Variants in SHANK2 observed in about 807,000 individuals in gnomAD.
SHANK2 encodes SH3 and multiple ankyrin repeat domains protein 2.
Under a neutral mutation model 133.7 loss-of-function variants are expected in SHANK2, and 43 were observed. That is an observed-to-expected ratio of 0.32 (90% CI 0.25 to 0.41). The LOEUF is 0.41. Ranked by LOEUF, SHANK2 falls within the 10% of genes least tolerant of loss-of-function variation. SHANK2 has a pLI of 1.00. For synonymous variants in SHANK2, 1,017 were observed against 952.8 expected, an observed-to-expected ratio of 1.07 and a Z score of -1.24; for missense variants, 1,994 against 2,235.8, an observed-to-expected ratio of 0.89 and a Z score of 2.18.
intron 13 of SHANK2, among the ~76,000 whole-genome samples, chr11:70,805,065 T>C (rs1443116850): frequency 6.6e-6 from 1 of 152,058 alleles, no homozygotes; most frequent in African/African-American, 2.4e-5. Flanking sequence ...CCTGAGTGAG[T>C]CCACAGATGC....
Position 70,473,018 on chromosome 11 carries a change from C to T in SHANK2, c.5401G>A (p.Gly1801Ser). The change falls in exon 26 of 26, where the codon GGT (glycine) becomes AGT (serine). Residue 1801 changes from glycine to serine, a missense_variant. By Grantham distance (56) the Gly-to-Ser change is moderately conservative. Coordinates refer to ENST00000601538, the MANE Select transcript of SHANK2 (RefSeq NM_012309.5). This position sits in a 1 kb window ranked among gnomAD's most constrained non-coding sequence, Gnocchi z 5.9. The stretch of plus-strand genomic sequence containing the variant: ...TCCATGAAGGCCTCTTTATGTTCAC[C>T]CAAGTTTAGACTTTCCAGCCAATCG... ...VADWLESLNL[G>S]EHKEAFMDNE... 5 of 1,614,186 alleles carry T rather than the reference C, an allele frequency of 3.1e-6. No homozygotes were observed. The highest frequency in any genetic ancestry group is 1.1e-5 in the South Asian group (1 of 91,084).
intron 3 of SHANK2, among the ~76,000 whole-genome samples, chr11:71,127,445 C>T (rs1173765731): frequency 2.6e-5 from 4 of 152,154 alleles, no homozygotes; most frequent in African/African-American, 7.2e-5. Context: ...AGAAATCGTT[C>T]GTGAGTCAAT....
intron 8 of SHANK2, among the ~76,000 whole-genome samples, chr11:71,085,805 ATATAT>A (rs1951390252): frequency 8.2e-5 from 5 of 61,132 alleles, no homozygotes; most frequent in Admixed American, 3.2e-4. Context: ...ATACAACATA[ATATAT>A]TATGTTATAT....
Position 71,175,143 on chromosome 11 carries a change from T to C in SHANK2, c.-12-27805A>G, listed in dbSNP as rs1294862741. Among the ~76,000 whole-genome samples the C allele has an allele frequency of 6.6e-6, 1 of 152,238 alleles. No homozygotes were observed. Among genetic ancestry groups the C allele is most frequent in the Non-Finnish European group, 1.5e-5 (1 of 68,038 alleles). On this transcript the variant is annotated intron_variant, in intron 2 of 25. Transcript: ENST00000601538. This position sits in a 1 kb window ranked among gnomAD's most constrained non-coding sequence, Gnocchi z 4.2. ...TTGTTAAATCTGTGCCTTATCTATT[T>C]TGTGTGTCGCTCCCAGGAGGGCAAG...
intron 2 of SHANK2, among the ~76,000 whole-genome samples, chr11:71,197,562 C>T (rs1022041589): frequency 3.9e-5 from 6 of 152,234 alleles, no homozygotes; most frequent in Non-Finnish European, 5.9e-5. Context: ...TCTGCTCTAT[C>T]AGATGGTGAA....
At chr11:71,207,856 G>A (rs1342115165) in intron 2 of SHANK2, among the ~76,000 whole-genome samples, 2 of 152,044 alleles carry the variant, frequency 1.3e-5, no homozygotes, top group East Asian at 1.9e-4. Flanking sequence ...CACACTCAGG[G>A]TCACTCTTGC....
At chr11:70,649,811 G>A (rs1272941484) in intron 17 of SHANK2, among the ~76,000 whole-genome samples, 18 of 152,230 alleles carry the variant, frequency 1.2e-4, no homozygotes, top group African/African-American at 4.3e-4. Flanking sequence ...AAAGATGGCT[G>A]TTAAGATTAC....
chr11:70,497,688 TA>T (rs782057244), intron 21 of SHANK2, among the ~76,000 whole-genome samples: 7 of 152,218 alleles, frequency 4.6e-5, no homozygotes, highest in Non-Finnish European at 1.0e-4. Flanking sequence ...GTTCCCCTGA[TA>T]GGGGGCAGGA....
At chr11:70,635,661 T>C (rs1555003743) in intron 17 of SHANK2, among the ~76,000 whole-genome samples, 2 of 151,920 alleles carry the variant, frequency 1.3e-5, no homozygotes, top group Non-Finnish European at 2.9e-5. Flanking sequence ...ATGTACTTAA[T>C]GCCACTGAAA....
Position 70,500,655 on chromosome 11 carries a change from C to T in SHANK2, c.2288-65G>A, listed in dbSNP as rs782803386. ...GCAGCGCCCGCCCGCAGCCTACACT[C>T]GGGCCTTGTCAGCTCAGGGCGCCTC... is the stretch of plus-strand genomic sequence containing the variant. On this transcript the variant is annotated intron_variant, in intron 20 of 25. Coordinates refer to ENST00000601538, the MANE Select transcript of SHANK2 (RefSeq NM_012309.5). The surrounding 1 kb of genome is among the most constrained non-coding windows in gnomAD (Gnocchi z 4.5). 92 of 1,567,906 alleles carry T rather than the reference C, an allele frequency of 5.9e-5. No individual in the cohort carries two copies. The highest frequency in any genetic ancestry group is 7.6e-5 in the Non-Finnish European group (88 of 1,156,450).
At chr11:70,811,398 C>T (rs950303444) in intron 12 of SHANK2, among the ~76,000 whole-genome samples, 5 of 152,130 alleles carry the variant, frequency 3.3e-5, no homozygotes, top group African/African-American at 9.7e-5. Context: ...CAACAGCAGC[C>T]GGCAAGGGAC....
intron 17 of SHANK2, among the ~76,000 whole-genome samples, chr11:70,609,589 G>A (rs1164743012): frequency 2.0e-5 from 3 of 152,022 alleles, no homozygotes; most frequent in Non-Finnish European, 2.9e-5. Context: ...CAAACAAAAC[G>A]TGGCACGTAC....
intron 2 of SHANK2, among the ~76,000 whole-genome samples, chr11:71,163,474 G>A (rs1296897830): frequency 2.0e-5 from 3 of 152,148 alleles, no homozygotes; most frequent in Admixed American, 2.0e-4. Context: ...AGGCAGAGCT[G>A]ATGCTTCTTG....
At chr11:70,745,773 G>A (rs529547872) in intron 14 of SHANK2, among the ~76,000 whole-genome samples, 15 of 152,308 alleles carry the variant, frequency 9.8e-5, no homozygotes, top group Non-Finnish European at 1.2e-4. Context: ...GTCACCCGCC[G>A]CCTTGGAAGT....
At chr11:71,235,210 G>A (rs1188947276) in intron 1 of SHANK2, among the ~76,000 whole-genome samples, 1 of 152,102 alleles carries the variant, frequency 6.6e-6, no homozygotes, top group Non-Finnish European at 1.5e-5. Context: ...GACTGGGACT[G>A]GTCACCAGGA....
intron 17 of SHANK2, among the ~76,000 whole-genome samples, chr11:70,508,082 C>T (rs782481369): frequency 5.3e-5 from 8 of 152,352 alleles, no homozygotes; most frequent in Non-Finnish European, 8.8e-5. Context: ...ATCATACAGG[C>T]CCAGGACAGG....
chr11:70,917,308 T>C lies in SHANK2; in HGVS notation c.1108-20741A>G, dbSNP rs879966426. Among the ~76,000 whole-genome samples the C allele has an allele frequency of 3.3e-5, 5 of 152,078 alleles. No homozygotes were observed. In the South Asian group the frequency reaches 6.2e-4, roughly 19 times the overall value. On this transcript the variant is annotated intron_variant, in intron 10 of 25. Coordinates refer to ENST00000601538, the MANE Select transcript of SHANK2 (RefSeq NM_012309.5). ...AGAGAAATGAAAATCAAAACCAGAA[T>C]AAGATACCATCTCATGCCAGTCAGA...
chr11:70,596,642 C>A (rs1246844965), intron 17 of SHANK2, among the ~76,000 whole-genome samples: 1 of 152,230 alleles, frequency 6.6e-6, no homozygotes, highest in Non-Finnish European at 1.5e-5. Context: ...GCCAGTGCAG[C>A]GCAGGGACTG....
intron 12 of SHANK2, 76 bp downstream of exon 12, chr11:70,820,288 G>C: frequency 1.7e-6 from 1 of 587,154 alleles, no homozygotes; most frequent in East Asian, 3.0e-5. Flanking sequence ...TCAACTTCTG[G>C]GCCACCCCAA....
Sources: gnomAD v4.1 joint callset for allele counts (sites outside exome capture counted in the v4.1 genomes callset) on GRCh38, gnomAD v4.1.1 for gene constraint, Gnocchi (gnomAD v3.1) non-coding constraint, MANE v1.5 for transcripts, NCBI Gene and HGNC (gene_info 2026-07-23, HGNC 2026-07-21) for gene names.